TMEM167A: variants seen among roughly 807,000 people sequenced by gnomAD.
TMEM167A encodes protein kish-A.
TMEM167A carries 8 observed loss-of-function variants against 11.6 expected under a neutral mutation model. The ratio of observed to expected loss-of-function variants is 0.69; its 90% CI spans 0.40 to 1.24. TMEM167A has a LOEUF of 1.24. Ranked by LOEUF, TMEM167A falls within the 50% of genes most tolerant of loss-of-function variation. The pLI is 0.01. For synonymous variants in TMEM167A, 22 were observed against 28.0 expected, an observed-to-expected ratio of 0.79 and a Z score of 0.67; for missense variants, 62 against 87.0, an observed-to-expected ratio of 0.71 and a Z score of 1.14.
chr5:83,060,483 CTT>C (rs751358106), intron 3 of TMEM167A, among the ~76,000 whole-genome samples: 8 of 136,878 alleles, frequency 5.8e-5, no homozygotes, highest in Admixed American at 7.3e-5. Flanking sequence ...TGTCTGGAGT[CTT>C]TTTTTTTTTT....
chr5:83,065,842 C>T (rs1278609348), intron 1 of TMEM167A, among the ~76,000 whole-genome samples: 1 of 151,998 alleles, frequency 6.6e-6, no homozygotes, highest in Middle Eastern at 3.2e-3. Context: ...CATAAGTTTC[C>T]ACAGTCAAAC....
chr5:83,059,409 TA>T (rs1744375987), intron 3 of TMEM167A, among the ~76,000 whole-genome samples: 1 of 151,768 alleles, frequency 6.6e-6, no homozygotes, highest in African/African-American at 2.4e-5. Flanking sequence ...AGCAATTTAA[TA>T]AAACTGAGAT....
At chr5:83,063,888 A>T (rs1450604225) in intron 2 of TMEM167A, among the ~76,000 whole-genome samples, 2 of 146,388 alleles carry the variant, frequency 1.4e-5, no homozygotes, top group Non-Finnish European at 3.1e-5. Context: ...GAAGTAGCAA[A>T]AACTGAAGTT....
At chr5:83,058,955 T>C (rs1744369845) in intron 3 of TMEM167A, among the ~76,000 whole-genome samples, 2 of 152,102 alleles carry the variant, frequency 1.3e-5, no homozygotes, top group African/African-American at 4.8e-5. Flanking sequence ...ATTAAAATTG[T>C]ATCATTTCTT....
At position 83,056,729 on chromosome 5, in the gene TMEM167A, C is replaced by G. The variant is rs1744337020; in HGVS notation, c.*355G>C. 3.9e-6 allele frequency: 1 copy of G among 259,294 alleles called. No individual in the cohort carries two copies. Among genetic ancestry groups the G allele is most frequent in the African/African-American group, 2.3e-5 (1 of 42,848 alleles). The allele number at this position is 259,294 out of a possible 1,614,324, so 16.1% of individuals were successfully genotyped here. ...GGTTCTCATTCTATAAAGATTAAAT[C>G]ATTTCCAAATCACAGTGAAAGGAAC... On this transcript the variant is annotated 3_prime_UTR_variant, in exon 4 of 4. Transcript: ENST00000502346.
chr5:83,074,243 G>C (rs772753149), intron 1 of TMEM167A, among the ~76,000 whole-genome samples: 1 of 152,116 alleles, frequency 6.6e-6, no homozygotes, highest in Non-Finnish European at 1.5e-5. Context: ...CATGCCTTTT[G>C]TTCCCATAAC....
At chr5:83,062,843 TA>T (rs1220319326) in intron 2 of TMEM167A, among the ~76,000 whole-genome samples, 1 of 149,818 alleles carries the variant, frequency 6.7e-6, no homozygotes, top group Non-Finnish European at 1.5e-5. Flanking sequence ...GAAAAATTTA[TA>T]GTATACTTTT....
intron 1 of TMEM167A, among the ~76,000 whole-genome samples, chr5:83,068,009 G>C (rs1744508981): frequency 6.6e-6 from 1 of 152,058 alleles, no homozygotes; most frequent in South Asian, 2.1e-4. Flanking sequence ...TCTTAAACCT[G>C]TGAAAGCCAG....
At chr5:83,073,605 C>G (rs1211588406) in intron 1 of TMEM167A, among the ~76,000 whole-genome samples, 1 of 152,222 alleles carries the variant, frequency 6.6e-6, no homozygotes, top group East Asian at 1.9e-4. Flanking sequence ...TATAGGACAT[C>G]ATTCCAGTGC....
At position 83,053,030 on chromosome 5, in the gene TMEM167A, AG is replaced by A. The variant is rs1744280880; in HGVS notation, c.*4053del. On this transcript the variant is annotated 3_prime_UTR_variant, in exon 4 of 4. Transcript: ENST00000502346. ...GGGCAAAGTAAAAGTCATGGAAGGC[AG>A]TGTATAAATAACATTAATTATGAAG... 6.6e-6 allele frequency: 1 copy of A among 151,948 alleles called. No homozygotes were observed. Among genetic ancestry groups the A allele is most frequent in the Non-Finnish European group, 1.5e-5 (1 of 67,904 alleles). The allele number at this position is 151,948 out of a possible 1,614,324, so 9.4% of individuals were successfully genotyped here. A position where few individuals can be genotyped will look rare whatever the true frequency, so the allele number is the denominator to read the frequency against.
chr5:83,059,882 C>G (rs553530097), intron 3 of TMEM167A, among the ~76,000 whole-genome samples: 26 of 151,876 alleles, frequency 1.7e-4, no homozygotes, highest in Non-Finnish European at 3.5e-4. Flanking sequence ...TCAAAGCTGT[C>G]TCTCTATTTT....
At position 83,054,968 on chromosome 5, in the gene TMEM167A, C is replaced by T. The variant is rs946536336; in HGVS notation, c.*2116G>A. On this transcript the variant is annotated 3_prime_UTR_variant, in exon 4 of 4. Transcript: ENST00000502346. ...TGGGCTTAAAACCACCTACACTGCCCCTTGGGTTAGAGAACAGGATTCCGT... is the reference window on the plus strand; with the variant it reads ...TGGGCTTAAAACCACCTACACTGCCTCTTGGGTTAGAGAACAGGATTCCGT... The T allele has an allele frequency of 1.3e-5, 2 of 151,872 alleles. No homozygotes were observed. The highest frequency in any genetic ancestry group is 4.8e-5 in the African/African-American group (2 of 41,388). The allele number at this position is 151,872 out of a possible 1,614,324, so 9.4% of individuals were successfully genotyped here. A position where few individuals can be genotyped will look rare whatever the true frequency, so the allele number is the denominator to read the frequency against.
intron 1 of TMEM167A, 26 bp downstream of exon 1, chr5:83,077,295 C>T (rs1192115802): frequency 1.2e-6 from 2 of 1,614,094 alleles, no homozygotes; most frequent in African/African-American, 1.3e-5. Context: ...GAAGATCAAC[C>T]GCGACCTGGG....
At chr5:83,060,586 C>A (rs111689820) in intron 3 of TMEM167A, among the ~76,000 whole-genome samples, 63 of 151,560 alleles carry the variant, frequency 4.2e-4, no homozygotes, top group African/African-American at 1.4e-3. Context: ...AATCCCAGCA[C>A]TTTGGGAGGC....
intron 1 of TMEM167A, among the ~76,000 whole-genome samples, chr5:83,072,065 GAGT>G (rs1428536887): frequency 1.2e-4 from 19 of 152,286 alleles, no homozygotes; most frequent in African/African-American, 4.3e-4. Flanking sequence ...CTACAGTACA[GAGT>G]AGAAGCGCTT....
intron 1 of TMEM167A, among the ~76,000 whole-genome samples, chr5:83,071,126 G>A (rs887878420): frequency 6.6e-6 from 1 of 152,058 alleles, no homozygotes; most frequent in Non-Finnish European, 1.5e-5. Flanking sequence ...TAAATCTACA[G>A]TACTTTTATT....
At chr5:83,071,863 C>T (rs564249778) in intron 1 of TMEM167A, among the ~76,000 whole-genome samples, 147 of 152,200 alleles carry the variant, frequency 9.7e-4, no homozygotes, top group Middle Eastern at 3.4e-3. Flanking sequence ...ATGAAGTAAT[C>T]CAAGTATAAA....
intron 3 of TMEM167A, among the ~76,000 whole-genome samples, chr5:83,060,590 G>A (rs1744393154): frequency 6.6e-6 from 1 of 151,960 alleles, no homozygotes; most frequent in Non-Finnish European, 1.5e-5. Flanking sequence ...CCAGCACTTT[G>A]GGAGGCCGAG....
At chr5:83,061,799 G>T in intron 3 of TMEM167A, 78 bp downstream of exon 3, 1 of 1,340,282 alleles carries the variant, frequency 7.5e-7, no homozygotes, top group South Asian at 1.2e-5. Flanking sequence ...ATTAACATTT[G>T]ACTTGTGAGA....
Sources: allele counts gnomAD v4.1 joint callset (sites outside exome capture counted in the v4.1 genomes callset), GRCh38; gene constraint gnomAD v4.1.1; transcripts MANE v1.5; gene names NCBI Gene and HGNC (gene_info 2026-07-23, HGNC 2026-07-21).